Variants in FOXP1 observed in about 807,000 individuals in gnomAD.
FOXP1 encodes forkhead box protein P1.
A neutral mutation model predicts 98.2 loss-of-function variants in FOXP1; 15 were observed. That is an observed-to-expected ratio of 0.15 (90% confidence interval 0.10 to 0.24). The LOEUF (loss-of-function observed/expected upper bound fraction) is 0.24, where lower values mean the gene tolerates loss of function less well. FOXP1 is among the 10% of genes least tolerant of loss of function. The pLI is 1.00. For missense variants in FOXP1, 633 were observed against 848.5 expected, an observed-to-expected ratio of 0.75 and a Z score of 3.15; for synonymous variants, 371 against 314.5, an observed-to-expected ratio of 1.18 and a Z score of -1.90.
At chr3:71,023,388 T>C (rs2107811586) in intron 11 of FOXP1, among the ~76,000 whole-genome samples, 1 of 152,188 alleles carries the variant, frequency 6.6e-6, no homozygotes, top group East Asian at 1.9e-4. Context: ...AGCCAAAACA[T>C]TACATTAAAT....
chr3:71,097,723 GGTAACAGGGCTCTGGTGAC>G (rs1309984646), intron 7 of FOXP1, among the ~76,000 whole-genome samples: 1 of 152,102 alleles, frequency 6.6e-6, no homozygotes, highest in Non-Finnish European at 1.5e-5. Flanking sequence ...ATCCAGGGAG[GGTAACAGGGCTCTGGTGAC>G]GTAACATGAT....
chr3:71,503,075 GA>G (rs1404328382), intron 2 of FOXP1, among the ~76,000 whole-genome samples: 1 of 150,940 alleles, frequency 6.6e-6, no homozygotes, highest in African/African-American at 2.4e-5. Context: ...GTTAAGAGAA[GA>G]AAAAAAAGGA....
At chr3:71,236,151 T>C (rs1040120279) in intron 5 of FOXP1, among the ~76,000 whole-genome samples, 2 of 152,190 alleles carry the variant, frequency 1.3e-5, no homozygotes, top group African/African-American at 2.4e-5. Context: ...CAATATTTAC[T>C]GGCATCCAGG....
intron 6 of FOXP1, among the ~76,000 whole-genome samples, chr3:71,180,716 T>C (rs1183300742): frequency 5.3e-5 from 8 of 152,128 alleles, no homozygotes; most frequent in Non-Finnish European, 1.5e-5. Flanking sequence ...GGCTTACATA[T>C]ACAAACATTT....
Position 70,956,732 on chromosome 3 carries a change from GTTTTTTTTTTTTTTTTTTTTTTTTTTTTT to G in FOXP1, c.*2486_*2514del, listed in dbSNP as rs142956636. ...GCACATCATGAAGCTGCCTGGAAAA[GTTTTTTTTTTTTTTTTTTTTTTTTTTTTT>G]TTTTTTTTTTTTAAAGTCTTGCGTG... On this transcript the variant is annotated 3_prime_UTR_variant, in exon 21 of 21. Coordinates refer to ENST00000649528, the MANE Select transcript of FOXP1 (RefSeq NM_001349338.3). 3 of 32,684 alleles carry G rather than the reference GTTTTTTTTTTTTTTTTTTTTTTTTTTTTT, an allele frequency of 9.2e-5. No homozygotes were observed. The highest frequency in any genetic ancestry group is 2.7e-3 in the South Asian group (2 of 732). The allele number at this position is 32,684 out of a possible 1,614,324, so 2.0% of individuals were successfully genotyped here. A position where few individuals can be genotyped will look rare whatever the true frequency, so the allele number is the denominator to read the frequency against.
In FOXP1 at chr3:70,955,380, A is replaced by G. The variant is rs2031525459; in HGVS notation, c.*3867T>C. On this transcript the variant is annotated 3_prime_UTR_variant, in exon 21 of 21. Transcript: ENST00000649528. ...TCTTCACGTATGTACATAAGCCTTG[A>G]TATTCCATTTTGTGGCTGGTCCAAG... is the stretch of plus-strand genomic sequence containing the variant. 4.3e-6 allele frequency: 1 copy of G among 232,824 alleles called. No individual in the cohort carries two copies. Among genetic ancestry groups the G allele is most frequent in the African/African-American group, 2.2e-5 (1 of 45,284 alleles). 14.4% of individuals were successfully genotyped at this position (232,824 alleles called of 1,614,324 possible).
intron 6 of FOXP1, among the ~76,000 whole-genome samples, chr3:71,127,775 C>T (rs1172044855): frequency 6.6e-6 from 1 of 152,198 alleles, no homozygotes; most frequent in East Asian, 1.9e-4. Context: ...CTACCTATGT[C>T]CCTGGGGTGT....
At chr3:71,058,882 C>A (rs2051066133) in intron 7 of FOXP1, among the ~76,000 whole-genome samples, 2 of 149,164 alleles carry the variant, frequency 1.3e-5, no homozygotes, top group South Asian at 2.1e-4. Context: ...ATATTTCGGT[C>A]TTAAAAAAAT....
chr3:71,007,953 A>G (rs917081017), intron 12 of FOXP1, among the ~76,000 whole-genome samples: 3 of 152,178 alleles, frequency 2.0e-5, no homozygotes, highest in African/African-American at 7.2e-5. Context: ...CATAAATTAC[A>G]TACATCTAAC....
At chr3:71,402,183 G>A (rs529626684) in intron 3 of FOXP1, among the ~76,000 whole-genome samples, 12 of 152,160 alleles carry the variant, frequency 7.9e-5, no homozygotes, top group African/African-American at 2.4e-4. Context: ...GGCCGGGCGC[G>A]GTGGCTCACA....
chr3:71,025,193 T>C (rs542330921), intron 11 of FOXP1, among the ~76,000 whole-genome samples: 4 of 152,258 alleles, frequency 2.6e-5, no homozygotes, highest in South Asian at 2.1e-4. Flanking sequence ...ACTCAAAGAA[T>C]GTTGACTGGG....
At chr3:71,147,100 G>A (rs1259275455) in intron 6 of FOXP1, among the ~76,000 whole-genome samples, 1 of 152,232 alleles carries the variant, frequency 6.6e-6, no homozygotes, top group Non-Finnish European at 1.5e-5. Context: ...CTAACTTGGA[G>A]AAGTCTTAGT....
chr3:71,037,828 G>C (rs1487276225), intron 11 of FOXP1, among the ~76,000 whole-genome samples: 1 of 152,100 alleles, frequency 6.6e-6, no homozygotes, highest in Non-Finnish European at 1.5e-5. Context: ...AAATCACATG[G>C]GCCGCTCCTC....
chr3:71,262,039 G>A (rs757088087), intron 5 of FOXP1, among the ~76,000 whole-genome samples: 12 of 151,836 alleles, frequency 7.9e-5, no homozygotes, highest in Non-Finnish European at 1.3e-4. Flanking sequence ...AGGCCGAGGC[G>A]GCGGGATCAC....
At chr3:71,098,861 C>T (rs11920471) in intron 7 of FOXP1, among the ~76,000 whole-genome samples, 3,821 of 152,214 alleles carry the variant, frequency 0.025, 159 homozygotes, top group African/African-American at 0.087. Flanking sequence ...TTATTTGTGC[C>T]TAAAGTGACA....
chr3:71,095,017 T>C (rs967153784), intron 7 of FOXP1, among the ~76,000 whole-genome samples: 1 of 152,364 alleles, frequency 6.6e-6, no homozygotes, highest in East Asian at 1.9e-4. Context: ...ATTAATATAT[T>C]GTGTGTGAAC....
At chr3:71,050,588 G>A (rs576762161) in intron 9 of FOXP1, among the ~76,000 whole-genome samples, 1 of 152,348 alleles carries the variant, frequency 6.6e-6, no homozygotes, top group African/African-American at 2.4e-5. Flanking sequence ...AAGGCTGTTA[G>A]CAATCTGATT....
chr3:71,100,510 C>T (rs2056859792), intron 7 of FOXP1, among the ~76,000 whole-genome samples: 1 of 152,116 alleles, frequency 6.6e-6, no homozygotes, highest in Non-Finnish European at 1.5e-5. Context: ...GTGGTAGATA[C>T]CAATGGAAAA....
At chr3:71,238,058 T>C (rs2066945672) in intron 5 of FOXP1, among the ~76,000 whole-genome samples, 1 of 152,206 alleles carries the variant, frequency 6.6e-6, no homozygotes, top group Admixed American at 6.5e-5. Flanking sequence ...CGAAAGGCTT[T>C]ACATCCCATA....
Sources: allele counts gnomAD v4.1 joint callset (sites outside exome capture counted in the v4.1 genomes callset), GRCh38; gene constraint gnomAD v4.1.1; transcripts MANE v1.5; gene names NCBI Gene and HGNC (gene_info 2026-07-23, HGNC 2026-07-21).